Variants in AUTS2 observed in about 807,000 individuals in gnomAD.
The protein encoded by AUTS2 is autism susceptibility gene 2 protein.
AUTS2 carries 17 observed loss-of-function variants against 112.4 expected under a neutral mutation model. The observed-to-expected ratio is 0.15, with a 90% CI of 0.10 to 0.23. The LOEUF is 0.23. AUTS2 is among the 10% of genes least tolerant of loss of function. The pLI is 1.00. For synonymous variants in AUTS2, 751 were observed against 702.7 expected (o/e 1.07, Z -1.09); for missense variants, 1,510 against 1,701.6 (o/e 0.89, Z 1.98).
Position 70,598,578 on chromosome 7 carries a change from G to A in AUTS2, c.691-99991G>A, listed in dbSNP as rs73706117. 8.1e-3 allele frequency among the ~76,000 whole-genome samples: 1,227 copies of A among 152,188 alleles called. 15 individuals carry two copies. The highest frequency in any genetic ancestry group is 0.028 in the African/African-American group (1,157 of 41,494). On this transcript the variant is annotated intron_variant, in intron 5 of 18. Transcript: ENST00000342771. ...ATCACACACCTGACTGTGAGCTGTTGTAATAGCTAGATGAGGTTTAAAAAA... is the reference window on the plus strand; with the variant it reads ...ATCACACACCTGACTGTGAGCTGTTATAATAGCTAGATGAGGTTTAAAAAA...
At chr7:70,638,821 A>G (rs925479418) in intron 5 of AUTS2, among the ~76,000 whole-genome samples, 5 of 152,232 alleles carry the variant, frequency 3.3e-5, no homozygotes, top group African/African-American at 9.6e-5. Context: ...CTGCATCACA[A>G]TGGCTTAAAT....
intron 6 of AUTS2, among the ~76,000 whole-genome samples, chr7:70,701,727 G>A (rs986789240): frequency 3.9e-5 from 6 of 152,140 alleles, no homozygotes; most frequent in Non-Finnish European, 7.4e-5. Context: ...AGGGCTTAGC[G>A]TTGTAGACAC....
intron 4 of AUTS2, among the ~76,000 whole-genome samples, chr7:70,156,865 T>A (rs1227546821): frequency 4.8e-5 from 5 of 103,220 alleles, no homozygotes; most frequent in Non-Finnish European, 9.0e-5. Context: ...CTGGCCAACA[T>A]AGTGAAACCC....
At chr7:70,496,771 G>A (rs1409511339) in intron 5 of AUTS2, among the ~76,000 whole-genome samples, 7 of 79,522 alleles carry the variant, frequency 8.8e-5, no homozygotes, top group Admixed American at 3.4e-4. Context: ...CTCACACCAC[G>A]TACACAGTCA....
At chr7:70,477,689 A>T (rs80248973) in intron 5 of AUTS2, among the ~76,000 whole-genome samples, 5 of 152,340 alleles carry the variant, frequency 3.3e-5, no homozygotes, top group East Asian at 3.9e-4. Flanking sequence ...GCTAGGTAAG[A>T]ATATAGATTA....
chr7:70,732,790 G>A (rs185468761), intron 6 of AUTS2, among the ~76,000 whole-genome samples: 25 of 152,322 alleles, frequency 1.6e-4, no homozygotes, highest in African/African-American at 5.5e-4. Context: ...GCAAACAGGT[G>A]CAAAGTAAAT....
At chr7:70,304,717 C>CA (rs1789407967) in intron 4 of AUTS2, among the ~76,000 whole-genome samples, 1 of 101,324 alleles carries the variant, frequency 9.9e-6, no homozygotes, top group African/African-American at 3.8e-5. Flanking sequence ...GGATTTTTAA[C>CA]TTTTTTTTTT....
intron 5 of AUTS2, among the ~76,000 whole-genome samples, chr7:70,481,595 A>C (rs909985733): frequency 3.3e-5 from 5 of 152,182 alleles, no homozygotes; most frequent in Admixed American, 6.5e-5. Flanking sequence ...GCAGACCTTC[A>C]GATATTTAAT....
intron 4 of AUTS2, among the ~76,000 whole-genome samples, chr7:70,181,330 A>G (rs1007761772): frequency 5.9e-4 from 90 of 152,200 alleles, no homozygotes; most frequent in African/African-American, 2.1e-3. Flanking sequence ...GCTTGGCGTG[A>G]TTGATACAAG....
At chr7:70,411,251 C>T (rs1272266104) in intron 4 of AUTS2, among the ~76,000 whole-genome samples, 1 of 152,148 alleles carries the variant, frequency 6.6e-6, no homozygotes, top group Non-Finnish European at 1.5e-5. Flanking sequence ...AGACGTGTAC[C>T]TGTAAAAGAG....
chr7:70,592,301 C>G (rs1186793877), intron 5 of AUTS2, among the ~76,000 whole-genome samples: 5 of 152,170 alleles, frequency 3.3e-5, no homozygotes, highest in Non-Finnish European at 7.4e-5. Context: ...GGTTTGAATT[C>G]AGCTCTGCCA....
chr7:70,212,957 A>C (rs1810982800), intron 4 of AUTS2, among the ~76,000 whole-genome samples: 1 of 152,176 alleles, frequency 6.6e-6, no homozygotes, highest in Non-Finnish European at 1.5e-5. Context: ...TTAATAGATC[A>C]GTGGTTGGGG....
intron 4 of AUTS2, among the ~76,000 whole-genome samples, chr7:70,344,627 T>A (rs1791412132): frequency 1.3e-5 from 2 of 152,208 alleles, no homozygotes; most frequent in South Asian, 4.1e-4. Flanking sequence ...TAAAAGATGA[T>A]CAACATGGGT....
At chr7:69,990,366 T>C (rs1798696728) in intron 2 of AUTS2, among the ~76,000 whole-genome samples, 1 of 152,236 alleles carries the variant, frequency 6.6e-6, no homozygotes, top group Admixed American at 6.5e-5. Flanking sequence ...TATAGAATTT[T>C]GACTATTTGA....
chr7:70,789,686 T>C (rs766964869), intron 18 of AUTS2, 62 bp from the exon 19 acceptor site: 179 of 1,551,024 alleles, frequency 1.2e-4, no homozygotes, highest in Non-Finnish European at 1.5e-4. Context: ...CCGCAGCCCC[T>C]GGCCCGGCCG....
chr7:70,272,659 T>C (rs1447274943), intron 4 of AUTS2, among the ~76,000 whole-genome samples: 2 of 152,170 alleles, frequency 1.3e-5, no homozygotes, highest in Non-Finnish European at 2.9e-5. Flanking sequence ...TTTGCATCCA[T>C]GGAAAAGAAG....
At chr7:69,992,953 A>C (rs1428481612) in intron 2 of AUTS2, among the ~76,000 whole-genome samples, 1 of 152,184 alleles carries the variant, frequency 6.6e-6, no homozygotes, top group Non-Finnish European at 1.5e-5. Flanking sequence ...TATTACCTTT[A>C]ATGTAAATTG....
chr7:70,550,984 AAAGTAAGG>A (rs1392769811), intron 5 of AUTS2, among the ~76,000 whole-genome samples: 1 of 152,170 alleles, frequency 6.6e-6, no homozygotes, highest in African/African-American at 2.4e-5. Context: ...ATGGTGCCAG[AAAGTAAGG>A]AAGTCCTAAA....
chr7:70,114,653 G>A (rs971479401), intron 2 of AUTS2, among the ~76,000 whole-genome samples: 4 of 152,118 alleles, frequency 2.6e-5, no homozygotes, highest in African/African-American at 9.7e-5. Flanking sequence ...TCAGCTGGGC[G>A]TGGTGGCACA....
Sources: allele counts gnomAD v4.1 joint callset (sites outside exome capture counted in the v4.1 genomes callset), GRCh38; gene constraint gnomAD v4.1.1; transcripts MANE v1.5; gene names NCBI Gene and HGNC (gene_info 2026-07-23, HGNC 2026-07-21).